The following DACH2 variants were observed in gnomAD, a reference collection of about 807,000 sequenced individuals.
DACH2 encodes the protein dachshund family transcription factor 2.
Under a neutral mutation model 35.8 loss-of-function variants are expected in DACH2, and 17 were observed. The observed-to-expected ratio is 0.48, with a 90% CI of 0.33 to 0.71. The LOEUF is 0.71. Among genes scored for constraint, DACH2 ranks in the 30% least tolerant of loss-of-function variants. DACH2 has a pLI of 0.02. For synonymous variants in DACH2, 195 were observed against 177.3 expected (o/e 1.10, Z -0.79); for missense variants, 469 against 472.7 (o/e 0.99, Z 0.07).
rs548292569 is a variant in DACH2 at position 86,706,139 on chromosome X, G to C, written c.932-8409G>C. On this transcript the variant is annotated intron_variant, in intron 5 of 11. Coordinates refer to ENST00000373125, the MANE Select transcript of DACH2 (RefSeq NM_053281.3). ...GTGAGGGACAAAAAAACTACATTAT[G>C]GGTACAGTGTACACTTCTCAGGTGA... 3.4e-4 allele frequency among the ~76,000 whole-genome samples: 38 copies of C among 111,106 alleles called. No homozygotes were observed. In the South Asian group the frequency reaches 0.014, roughly 41 times the overall value.
chrX:86,700,727 T>C (rs927790270), intron 5 of DACH2, among the ~76,000 whole-genome samples: 16 of 110,769 alleles, frequency 1.4e-4, no homozygotes, highest in African/African-American at 5.3e-4. Context: ...AATACCTCTG[T>C]GCACACAAAC....
chrX:86,808,788 G>T (rs2042369195), intron 7 of DACH2, among the ~76,000 whole-genome samples: 1 of 111,276 alleles, frequency 9.0e-6, no homozygotes. Flanking sequence ...GAGTTAGTCA[G>T]CTGTGTTGTT....
chrX:86,816,085 G>A lies in DACH2; in HGVS notation c.1736G>A (p.Ser579Asn). The A allele has an allele frequency of 8.5e-7, 1 of 1,176,484 alleles. No homozygotes were observed. The highest frequency in any genetic ancestry group is 3.2e-5 in the East Asian group (1 of 31,466). ...GAAAACAATGGGACTCCTCATGATAGTGCTGCTATGCAAGGTACAGTCAAC... is the reference window on the plus strand; with the variant it reads ...GAAAACAATGGGACTCCTCATGATAATGCTGCTATGCAAGGTACAGTCAAC... ...EIENNGTPHD[S>N]AAMQGGNYYC... The change falls in exon 11 of 12, where the codon AGT becomes AAT. Residue 579 changes from serine to asparagine, a missense_variant. Physicochemically the swap from Ser to Asn is conservative, Grantham distance 46. Around this residue, in one of 3 missense-constraint regions of DACH2, gnomAD observed 363 missense variants for 334.4 expected, o/e 1.09. Coordinates refer to ENST00000373125, the MANE Select transcript of DACH2 (RefSeq NM_053281.3).
intron 1 of DACH2, among the ~76,000 whole-genome samples, chrX:86,252,958 G>A (rs1468498526): frequency 2.7e-5 from 3 of 110,801 alleles, no homozygotes; most frequent in African/African-American, 9.8e-5. Flanking sequence ...TCCAAATCGG[G>A]AAAGAGAAAG....
At chrX:86,268,408 A>T (rs947745644) in intron 1 of DACH2, among the ~76,000 whole-genome samples, 3 of 111,979 alleles carry the variant, frequency 2.7e-5, no homozygotes, top group African/African-American at 9.7e-5. Context: ...GATGAAGCAC[A>T]AAAAAGCAAA....
At chrX:86,310,677 G>T (rs2034782135) in intron 1 of DACH2, among the ~76,000 whole-genome samples, 1 of 111,661 alleles carries the variant, frequency 9.0e-6, no homozygotes, top group Admixed American at 9.5e-5. Flanking sequence ...CAATGGTTTG[G>T]CTGGATGGTC....
At chrX:86,473,346 T>C (rs998551015) in intron 2 of DACH2, among the ~76,000 whole-genome samples, 1 of 111,239 alleles carries the variant, frequency 9.0e-6, no homozygotes, top group Non-Finnish European at 1.9e-5. Flanking sequence ...CCCTCAAGCA[T>C]TTATCCTTTA....
At chrX:86,661,861 C>T (rs2040608765) in intron 4 of DACH2, among the ~76,000 whole-genome samples, 1 of 112,122 alleles carries the variant, frequency 8.9e-6, no homozygotes, top group Non-Finnish European at 1.9e-5. Context: ...ATACTCTGCA[C>T]TCTATGGTCT....
intron 3 of DACH2, among the ~76,000 whole-genome samples, chrX:86,556,827 G>GAGAGAGAGAGAGAGAGA (rs551353364): frequency 3.5e-5 from 3 of 85,563 alleles, no homozygotes; most frequent in Admixed American, 1.3e-4. Flanking sequence ...GAGAGAGAGA[G>GAGAGAGAGAGAGAGAGA]AGAAGAAGAA....
chrX:86,704,705 T>G (rs1479006732), intron 5 of DACH2, among the ~76,000 whole-genome samples: 4 of 111,228 alleles, frequency 3.6e-5, no homozygotes, highest in Non-Finnish European at 7.6e-5. Context: ...CAATACCACC[T>G]TACTCCTGCA....
At chrX:86,693,760 G>C (rs2041035402) in intron 4 of DACH2, among the ~76,000 whole-genome samples, 1 of 111,726 alleles carries the variant, frequency 9.0e-6, no homozygotes, top group African/African-American at 3.3e-5. Flanking sequence ...TTGATTCTAA[G>C]GAAATAATTT....
At chrX:86,617,749 G>T (rs2040023607) in intron 3 of DACH2, among the ~76,000 whole-genome samples, 1 of 111,751 alleles carries the variant, frequency 8.9e-6, no homozygotes, top group African/African-American at 3.2e-5. Context: ...CAGAATAAGG[G>T]TTTTTCTGAC....
At chrX:86,395,775 C>T (rs1303070849) in intron 2 of DACH2, among the ~76,000 whole-genome samples, 7 of 111,873 alleles carry the variant, frequency 6.3e-5, no homozygotes, top group Admixed American at 2.9e-4. Flanking sequence ...ATTTTGTTAA[C>T]CCAGTCTATC....
chrX:86,472,634 A>G lies in DACH2; in HGVS notation c.528-41645A>G, dbSNP rs2037778251. Among the ~76,000 whole-genome samples the G allele has an allele frequency of 3.6e-5, 4 of 112,203 alleles. No homozygotes were observed. In the South Asian group the frequency reaches 1.5e-3, roughly 41 times the overall value. On this transcript the variant is annotated intron_variant, in intron 2 of 11. Transcript: ENST00000373125. ...CATTTCTTAAAATAAAATATTCCAG[A>G]CATTATTTAATTAGTTGATGAGTAC...
At chrX:86,749,263 T>A (rs1199538560) in intron 7 of DACH2, among the ~76,000 whole-genome samples, 1 of 112,093 alleles carries the variant, frequency 8.9e-6, no homozygotes, top group Non-Finnish European at 1.9e-5. Context: ...ATTCACAACT[T>A]GGCTAACTGT....
chrX:86,661,400 C>A (rs2040603612), intron 4 of DACH2, among the ~76,000 whole-genome samples: 1 of 112,387 alleles, frequency 8.9e-6, no homozygotes, highest in Non-Finnish European at 1.9e-5. Flanking sequence ...ATGGATTTAC[C>A]TATTCTGGAT....
Position 86,547,415 on chromosome X carries a change from T to G in DACH2, c.640+33024T>G, listed in dbSNP as rs377174832. 2.7e-4 allele frequency among the ~76,000 whole-genome samples: 30 copies of G among 111,135 alleles called. No individual in the cohort carries two copies. In the East Asian group the frequency reaches 4.9e-3, roughly 18 times the overall value. ...GGTTTGGATTTATAATTCTTTGTTA[T>G]TTTCTCACTGAAGATCATTTCGACT... On this transcript the variant is annotated intron_variant, in intron 3 of 11. Coordinates refer to ENST00000373125, the MANE Select transcript of DACH2 (RefSeq NM_053281.3).
At chrX:86,217,331 T>C (rs955609163) in intron 1 of DACH2, among the ~76,000 whole-genome samples, 1 of 111,633 alleles carries the variant, frequency 9.0e-6, no homozygotes, top group Non-Finnish European at 1.9e-5. Context: ...CAAATCGCTG[T>C]GCTCCATTCT....
intron 3 of DACH2, among the ~76,000 whole-genome samples, chrX:86,557,184 A>G (rs1423422777): frequency 2.7e-5 from 3 of 110,947 alleles, no homozygotes; most frequent in African/African-American, 9.8e-5. Flanking sequence ...CCACATTGGT[A>G]AGGGTGGATC....
Sources: allele counts gnomAD v4.1 joint callset (sites outside exome capture counted in the v4.1 genomes callset), GRCh38; gene constraint gnomAD v4.1.1; regional missense constraint gnomAD v4.1.1; transcripts MANE v1.5; gene names NCBI Gene and HGNC (gene_info 2026-07-23, HGNC 2026-07-21).